The following RBM41 variants were observed in gnomAD, a reference collection of about 807,000 sequenced individuals.
RBM41 encodes the protein RNA-binding protein 41.
Under a neutral mutation model 30.8 loss-of-function variants are expected in RBM41, and 14 were observed. That is an observed-to-expected ratio of 0.45 (90% CI 0.30 to 0.71). The LOEUF (loss-of-function observed/expected upper bound fraction) is 0.71, where lower values mean the gene tolerates loss of function less well. Among genes scored for constraint, RBM41 ranks in the 30% least tolerant of loss-of-function variants. RBM41 has a pLI of 0.08. For missense variants in RBM41, 276 were observed against 326.3 expected (o/e 0.85, Z 1.19); for synonymous variants, 120 against 110.1 (o/e 1.09, Z -0.56).
At chrX:107,079,944 T>C (rs1476245198) in intron 6 of RBM41, among the ~76,000 whole-genome samples, 1 of 112,117 alleles carries the variant, frequency 8.9e-6, no homozygotes, top group East Asian at 2.8e-4. Context: ...TGTCTTTTTG[T>C]GGCTGGACAT....
rs182705983 is a variant in RBM41, at chrX:107,088,417, T to A, written c.999+19A>T. Reference sequence around the variant, plus strand: ...AAAGCGAAATCAACCCAGGTTGTTTTACTTGGTTTGGCCTATACCTTGTTT... The same window carrying A: ...AAAGCGAAATCAACCCAGGTTGTTTAACTTGGTTTGGCCTATACCTTGTTT... On this transcript the variant is annotated intron_variant, in intron 6 of 7. Transcript: ENST00000685964. 8.3e-5 allele frequency: 98 copies of A among 1,185,919 alleles called. No individual in the cohort carries two copies. In the African/African-American group the frequency reaches 1.7e-3, roughly 20 times the overall value.
intron 6 of RBM41, chrX:107,070,039 T>C: frequency 4.0e-6 from 1 of 250,604 alleles, no homozygotes; most frequent in East Asian, 1.1e-4. Context: ...AACACACCTG[T>C]CACCACTTAA....
intron 5 of RBM41, among the ~76,000 whole-genome samples, chrX:107,103,105 G>C (rs1461840757): frequency 9.0e-6 from 1 of 110,652 alleles, no homozygotes; most frequent in Admixed American, 9.7e-5. Context: ...TGCTGGAATG[G>C]GTTAAGACTT....
rs1378247116 is a variant in RBM41 at position 107,070,367 on chromosome X, G to A, written c.1000-965C>T. On this transcript the variant is annotated intron_variant, in intron 6 of 7. Transcript: ENST00000685964. ...TTTTCTGCCATTTGGCTCCTAGAAC[G>A]CTGGTAGTACCCTCGTAAGAAAGAT... 4 of 329,079 alleles carry A rather than the reference G, an allele frequency of 1.2e-5. No individual in the cohort carries two copies. In the East Asian group the frequency reaches 2.9e-4, roughly 24 times the overall value. 27.1% of individuals were successfully genotyped at this position (329,079 alleles called of 1,213,427 possible). A position where few individuals can be genotyped will look rare whatever the true frequency, so the allele number is the denominator to read the frequency against.
intron 6 of RBM41, among the ~76,000 whole-genome samples, chrX:107,086,257 C>T (rs918196500): frequency 9.0e-6 from 1 of 111,319 alleles, no homozygotes; most frequent in Non-Finnish European, 1.9e-5. Context: ...CTATATATCA[C>T]AGTAATTCCA....
At position 107,076,319 on chromosome X, in the gene RBM41, AT is replaced by A. The variant is rs1936224252; in HGVS notation, c.1000-6918del. Among the ~76,000 whole-genome samples the A allele has an allele frequency of 1.9e-4, 13 of 69,002 alleles. No homozygotes were observed. In the South Asian group the frequency reaches 7.6e-3, roughly 40 times the overall value. 59.9% of individuals were successfully genotyped at this position (69,002 alleles called of 115,157 possible). A position where few individuals can be genotyped will look rare whatever the true frequency, so the allele number is the denominator to read the frequency against. ...ACGACAGTGCCAGACTCCGTCTCAA[AT>A]AAATAAATAAATAAATAAATAAATA... On this transcript the variant is annotated intron_variant, in intron 6 of 7. Transcript: ENST00000685964.
Position 107,116,652 on chromosome X carries a change from C to T in RBM41, c.123G>A (p.Glu41=). ...QHQLDTSVSI[E]ECMSKKESFA... Reference sequence around the variant, plus strand: ...CCGTTTGCAAAATCAATACCTACTCCTCAATGGAGACAGAAGTATCAAGTT... The same window carrying T: ...CCGTTTGCAAAATCAATACCTACTCTTCAATGGAGACAGAAGTATCAAGTT... The change falls in exon 2 of 8, where the codon GAG becomes GAA. Residue 41 remains glutamate, a splice_region_variant and synonymous_variant. Transcript: ENST00000685964. 2 of 1,209,895 alleles carry T rather than the reference C, an allele frequency of 1.7e-6. No individual in the cohort carries two copies. Among genetic ancestry groups the T allele is most frequent in the Non-Finnish European group, 2.2e-6 (2 of 895,171 alleles).
chrX:107,088,665 G>C lies in RBM41; in HGVS notation c.770C>G (p.Pro257Arg). 1 of 1,211,190 alleles carries C rather than the reference G, an allele frequency of 8.3e-7. No homozygotes were observed. The highest frequency in any genetic ancestry group is 1.1e-6 in the Non-Finnish European group (1 of 895,294). ...SVGDSGTAES[P>R]SLLQDKGKQA... ...TTTTCCCTTGTCCTGGAGTAATGAT[G>C]GGCTCTCAGCTGTGCCACTATCACC... The change falls in exon 6 of 8, where the codon CCA becomes CGA. Residue 257 changes from proline (P) to arginine (R), a missense_variant. Transcript: ENST00000685964.
In RBM41 at chrX:107,064,652, T is replaced by C. The variant is rs773711197; in HGVS notation, c.*2875A>G. The C allele has an allele frequency of 3.6e-5, 4 of 112,215 alleles. No individual in the cohort carries two copies. Among genetic ancestry groups the C allele is most frequent in the African/African-American group, 9.7e-5 (3 of 30,923 alleles). 9.2% of individuals were successfully genotyped at this position (112,215 alleles called of 1,213,427 possible). On this transcript the variant is annotated 3_prime_UTR_variant, in exon 8 of 8. Transcript: ENST00000685964. ...TGGTCAGAGGGCATGCTTTGCATGA[T>C]TTCAGTCTACTTATATTTATTAAGG...
Position 107,067,750 on chromosome X carries a change from C to T in RBM41, c.1148-57G>A, listed in dbSNP as rs1476129637. ...TAGGACTTAATAATTCAATTCTATTCCAGGTTTAGTTTAGATTATTTTGCC... is the reference window on the plus strand; with the variant it reads ...TAGGACTTAATAATTCAATTCTATTTCAGGTTTAGTTTAGATTATTTTGCC... On this transcript the variant is annotated intron_variant, in intron 7 of 7. Transcript: ENST00000685964. The T allele has an allele frequency of 3.6e-6, 4 of 1,103,856 alleles. No individual in the cohort carries two copies. The African/African-American group carries it at 7.3e-5, about 20-fold the overall frequency. 91.0% of individuals were successfully genotyped at this position (1,103,856 alleles called of 1,213,427 possible).
At chrX:107,094,264 C>T (rs1183349474) in intron 5 of RBM41, among the ~76,000 whole-genome samples, 2 of 111,972 alleles carry the variant, frequency 1.8e-5, no homozygotes, top group South Asian at 3.7e-4. Context: ...TACAAGAAAA[C>T]CACAGACCAA....
intron 6 of RBM41, among the ~76,000 whole-genome samples, chrX:107,082,865 C>T (rs1019183609): frequency 9.0e-6 from 1 of 111,106 alleles, no homozygotes; most frequent in Non-Finnish European, 1.9e-5. Context: ...ATCACTGTTA[C>T]TCATTTCACT....
Position 107,064,404 on chromosome X carries a change from A to ATTTTTTTTT in RBM41, c.*3114_*3122dup. 1 of 83,290 alleles carries ATTTTTTTTT rather than the reference A, an allele frequency of 1.2e-5. No individual in the cohort carries two copies. The highest frequency in any genetic ancestry group is 2.4e-5 in the Non-Finnish European group (1 of 41,890). The allele number at this position is 83,290 out of a possible 1,213,427, so 6.9% of individuals were successfully genotyped here. A position where few individuals can be genotyped will look rare whatever the true frequency, so the allele number is the denominator to read the frequency against. On this transcript the variant is annotated 3_prime_UTR_variant, in exon 8 of 8. Coordinates refer to ENST00000685964, the MANE Select transcript of RBM41 (RefSeq NM_001324242.2). ...CCCTTATGATTTTTTTCTTTGACAC[A>ATTTTTTTTT]TTTTTTTTTTTTTTTGGTAATGACA... is the stretch of plus-strand genomic sequence containing the variant.
At chrX:107,059,302 A>G (rs1935608613), downstream of RBM41, among the ~76,000 whole-genome samples, 1 of 108,903 alleles carries the variant, frequency 9.2e-6, no homozygotes, top group Non-Finnish European at 1.9e-5. Context: ...GAACACATGG[A>G]CACAGGTAGG....
intron 1 of RBM41, among the ~76,000 whole-genome samples, chrX:107,117,711 T>A (rs750399416): frequency 2.7e-5 from 3 of 111,715 alleles, no homozygotes; most frequent in Non-Finnish European, 5.6e-5. Flanking sequence ...TGTTTAGGGA[T>A]AAATTCATAT....
In RBM41 at chrX:107,067,474, T is replaced by A; in HGVS notation, c.*53A>T. On this transcript the variant is annotated 3_prime_UTR_variant, in exon 8 of 8. Coordinates refer to ENST00000685964, the MANE Select transcript of RBM41 (RefSeq NM_001324242.2). The stretch of plus-strand genomic sequence containing the variant: ...CTGGTGTCTATACATAAATCCTAGA[T>A]CCAAGATTCCAATTCAAGAAAGACC... 4 of 1,124,677 alleles carry A rather than the reference T, an allele frequency of 3.6e-6. No homozygotes were observed. The highest frequency in any genetic ancestry group is 4.7e-6 in the Non-Finnish European group (4 of 850,691). The allele number at this position is 1,124,677 out of a possible 1,213,427, so 92.7% of individuals were successfully genotyped here.
At chrX:107,053,673 T>C in the RBM41 span, among the ~76,000 whole-genome samples, 1 of 110,861 alleles carries the variant, frequency 9.0e-6, no homozygotes, top group Non-Finnish European at 1.9e-5. Flanking sequence ...GGGTTTCATG[T>C]AGTTTTGAGA....
intron 5 of RBM41, among the ~76,000 whole-genome samples, chrX:107,113,106 T>G (rs1463743327): frequency 9.0e-6 from 1 of 111,613 alleles, no homozygotes; most frequent in Non-Finnish European, 1.9e-5. Context: ...CTTTACTGAC[T>G]AATAAAAATA....
intron 5 of RBM41, among the ~76,000 whole-genome samples, chrX:107,104,862 G>A (rs1269758501): frequency 8.1e-5 from 9 of 110,688 alleles, no homozygotes; most frequent in South Asian, 7.7e-4. Flanking sequence ...TTGATGGGAC[G>A]TACCTCAAAA....
Sources: gnomAD v4.1 joint callset for allele counts (sites outside exome capture counted in the v4.1 genomes callset) on GRCh38, gnomAD v4.1.1 for gene constraint, MANE v1.5 for transcripts, NCBI Gene and HGNC (gene_info 2026-07-23, HGNC 2026-07-21) for gene names.